C12orf42: variants seen among roughly 807,000 people sequenced by gnomAD.
The protein encoded by C12orf42 is chromosome 12 open reading frame 42, also known as uncharacterized protein C12orf42.
Under a neutral mutation model 21.6 loss-of-function variants are expected in C12orf42, and 25 were observed. That is an observed-to-expected ratio of 1.16 (90% CI 0.84 to 1.62). The LOEUF (loss-of-function observed/expected upper bound fraction) is 1.62, where lower values mean the gene tolerates loss of function less well. C12orf42 is among the 40% of genes most tolerant of loss of function. C12orf42 has a pLI of 0.00. For missense variants in C12orf42, 483 were observed against 459.3 expected (o/e 1.05, Z -0.47); for synonymous variants, 174 against 175.0 (o/e 0.99, Z 0.05).
chr12:103,145,695 A>G, the C12orf42 span, among the ~76,000 whole-genome samples: 1 of 152,230 alleles, frequency 6.6e-6, no homozygotes, highest in African/African-American at 2.4e-5. Context: ...AACATTGTAT[A>G]TAATTGTGAA....
At chr12:103,132,801 C>T in the C12orf42 span, among the ~76,000 whole-genome samples, 2,480 of 136,314 alleles carry the variant, frequency 0.018, 73 homozygotes, top group African/African-American at 0.063. Flanking sequence ...GCCACCGCTA[C>T]CGCAGCTGGG....
intron 2 of C12orf42, among the ~76,000 whole-genome samples, chr12:103,428,365 T>A (rs1950007646): frequency 1.3e-5 from 2 of 152,122 alleles, no homozygotes; most frequent in Admixed American, 1.3e-4. Context: ...CTAGAAAATC[T>A]AGAAGAAATG....
the C12orf42 span, among the ~76,000 whole-genome samples, chr12:103,196,101 G>A: frequency 6.6e-6 from 1 of 152,040 alleles, no homozygotes; most frequent in African/African-American, 2.4e-5. Context: ...CACTGTGTTA[G>A]CAGTATCCCA....
the C12orf42 span, among the ~76,000 whole-genome samples, chr12:103,125,431 G>A: frequency 2.6e-5 from 4 of 152,280 alleles, no homozygotes; most frequent in African/African-American, 7.2e-5. Context: ...TGTGAGCTCA[G>A]ATGGTTGCAA....
intron 4 of C12orf42, among the ~76,000 whole-genome samples, chr12:103,281,379 T>C (rs2036106302): frequency 6.6e-6 from 1 of 152,226 alleles, no homozygotes; most frequent in Non-Finnish European, 1.5e-5. Flanking sequence ...GTTGTTCTCT[T>C]TGAGATGGAG....
chr12:103,525,626 A>G, the C12orf42 span, among the ~76,000 whole-genome samples: 3 of 152,316 alleles, frequency 2.0e-5, no homozygotes, highest in South Asian at 4.1e-4. Flanking sequence ...GCAAAATATT[A>G]TAAGTATCAA....
the C12orf42 span, among the ~76,000 whole-genome samples, chr12:103,112,047 A>G: frequency 1.3e-5 from 2 of 152,200 alleles, no homozygotes; most frequent in East Asian, 3.9e-4. Context: ...TCTGCGTATC[A>G]TATTACTCAA....
chr12:103,106,351 G>C, the C12orf42 span, among the ~76,000 whole-genome samples: 1 of 151,816 alleles, frequency 6.6e-6, no homozygotes, highest in Non-Finnish European at 1.5e-5. Flanking sequence ...GAAAAGAGTA[G>C]GCTGCAAGAA....
the C12orf42 span, among the ~76,000 whole-genome samples, chr12:103,173,416 GA>G: frequency 6.6e-6 from 1 of 152,048 alleles, no homozygotes; most frequent in Non-Finnish European, 1.5e-5. Flanking sequence ...ATGTCTTAAA[GA>G]AAATCTCCTT....
the C12orf42 span, among the ~76,000 whole-genome samples, chr12:103,185,779 T>G: frequency 6.6e-6 from 1 of 152,210 alleles, no homozygotes; most frequent in African/African-American, 2.4e-5. Context: ...ATTTTGCTCT[T>G]GCTGCCCCCA....
intron 1 of C12orf42, among the ~76,000 whole-genome samples, chr12:103,484,968 C>T (rs1012312221): frequency 4.9e-5 from 7 of 143,674 alleles, no homozygotes; most frequent in Non-Finnish European, 9.0e-5. Context: ...CTCCTGGGTT[C>T]ATGCCATTCT....
At chr12:103,525,945 T>A in the C12orf42 span, among the ~76,000 whole-genome samples, 3 of 152,166 alleles carry the variant, frequency 2.0e-5, no homozygotes, top group Admixed American at 6.5e-5. Flanking sequence ...GAGAATTGCT[T>A]GAAACCGAAG....
the C12orf42 span, among the ~76,000 whole-genome samples, chr12:103,115,572 A>G: frequency 1.8e-4 from 27 of 152,364 alleles, no homozygotes; most frequent in African/African-American, 5.8e-4. Context: ...ATAAAAGCAG[A>G]ATCTCGTTAC....
At chr12:103,199,168 G>T in the C12orf42 span, among the ~76,000 whole-genome samples, 1 of 152,088 alleles carries the variant, frequency 6.6e-6, no homozygotes, top group Admixed American at 6.5e-5. Context: ...GGCATATATG[G>T]TCAACTGATG....
At chr12:103,157,358 A>AAATTCTGG in the C12orf42 span, among the ~76,000 whole-genome samples, 3 of 152,134 alleles carry the variant, frequency 2.0e-5, no homozygotes, top group Non-Finnish European at 4.4e-5. Flanking sequence ...AGTTCCTTAT[A>AAATTCTGG]AATTCTGGAT....
intron 4 of C12orf42, among the ~76,000 whole-genome samples, chr12:103,364,592 A>T (rs1374837937): frequency 6.6e-6 from 1 of 152,032 alleles, no homozygotes; most frequent in African/African-American, 2.4e-5. Context: ...GACCATTAGC[A>T]AGATTAACCA....
intron 6 of C12orf42, among the ~76,000 whole-genome samples, chr12:103,269,278 G>T (rs1057159639): frequency 6.6e-6 from 1 of 152,114 alleles, no homozygotes; most frequent in African/African-American, 2.4e-5. Context: ...GGAAGCGGAT[G>T]ACGTAAGTAG....
intron 4 of C12orf42, among the ~76,000 whole-genome samples, chr12:103,286,190 G>A (rs556431227): frequency 6.6e-6 from 1 of 152,006 alleles, no homozygotes; most frequent in Non-Finnish European, 1.5e-5. Context: ...GGCGGAGCTT[G>A]CAGTGAGCCG....
chr12:103,284,492 T>C (rs1847415864), intron 4 of C12orf42, among the ~76,000 whole-genome samples: 1 of 152,152 alleles, frequency 6.6e-6, no homozygotes, highest in Non-Finnish European at 1.5e-5. Context: ...AGACAAGTCA[T>C]CATCAGAGAG....
Sources: allele counts gnomAD v4.1 joint callset (sites outside exome capture counted in the v4.1 genomes callset), GRCh38; gene constraint gnomAD v4.1.1; transcripts MANE v1.5; gene names NCBI Gene and HGNC (gene_info 2026-07-23, HGNC 2026-07-21).